MCHR2: variants seen among roughly 807,000 people sequenced by gnomAD.
MCHR2 encodes melanin-concentrating hormone receptor 2.
A neutral mutation model predicts 24.8 loss-of-function variants in MCHR2; 15 were observed. The observed-to-expected ratio is 0.60, with a 90% confidence interval of 0.40 to 0.93. MCHR2 has a LOEUF of 0.93. MCHR2 is among the 40% of genes least tolerant of loss of function. The pLI, the probability that MCHR2 is intolerant of heterozygous loss-of-function variation, is 0.00. For synonymous variants in MCHR2, 151 were observed against 147.6 expected (o/e 1.02, Z -0.17); for missense variants, 386 against 408.7 (o/e 0.94, Z 0.48).
At chr6:99,977,474 C>T (rs1011024395) in intron 1 of MCHR2, among the ~76,000 whole-genome samples, 35 of 152,078 alleles carry the variant, frequency 2.3e-4, no homozygotes, top group East Asian at 5.8e-4. Flanking sequence ...TGATACCATA[C>T]GGAGTAGGGC....
chr6:99,949,394 C>T (rs561101920), intron 2 of MCHR2, among the ~76,000 whole-genome samples: 1 of 152,096 alleles, frequency 6.6e-6, no homozygotes, highest in Non-Finnish European at 1.5e-5. Context: ...CAGATGTGGA[C>T]AAATAAGAAT....
chr6:99,948,038 T>A (rs1774905796), intron 2 of MCHR2, 67 bp from the exon 3 acceptor site: 1 of 1,359,842 alleles, frequency 7.4e-7, no homozygotes, highest in Admixed American at 2.2e-5. Flanking sequence ...ATATGCTACC[T>A]CATACAAATT....
chr6:99,986,794 A>G (rs570208840), intron 1 of MCHR2, among the ~76,000 whole-genome samples: 43 of 151,580 alleles, frequency 2.8e-4, no homozygotes, highest in Non-Finnish European at 5.9e-4. Context: ...CATGTAACAC[A>G]TGGATATATT....
At chr6:99,948,009 T>C (rs201085741) in intron 2 of MCHR2, 38 bp from the exon 3 acceptor site, 32 of 1,564,408 alleles carry the variant, frequency 2.0e-5, no homozygotes, top group Non-Finnish European at 2.8e-5. Flanking sequence ...TGACATTGAA[T>C]GTATACAGAC....
Position 99,918,784 on chromosome 6 carries a change from T to C in MCHR2, c.*2156A>G, listed in dbSNP as rs562816743. ...CGCTATATAAAGGGACAAAAATAAATTTATTAATCACCCTTTTTATTTTCT... is the reference window on the plus strand; with the variant it reads ...CGCTATATAAAGGGACAAAAATAAACTTATTAATCACCCTTTTTATTTTCT... On this transcript the variant is annotated 3_prime_UTR_variant, in exon 6 of 6. Transcript: ENST00000281806. 6.6e-6 allele frequency among the ~76,000 whole-genome samples: 1 copy of C among 152,268 alleles called. No individual in the cohort carries two copies. Among genetic ancestry groups the C allele is most frequent in the African/African-American group, 2.4e-5 (1 of 41,576 alleles).
At chr6:99,956,278 G>C in intron 1 of MCHR2, 104 bp from the exon 2 acceptor site, 3 of 759,092 alleles carry the variant, frequency 4.0e-6, no homozygotes, top group Non-Finnish European at 4.1e-6. Context: ...TTAAAACCAA[G>C]ATTCCATGGA....
rs140220122 is a variant in MCHR2, at chr6:99,929,188, C to T, written c.707+5210G>A. On this transcript the variant is annotated intron_variant, in intron 5 of 5. Coordinates refer to ENST00000281806, the MANE Select transcript of MCHR2 (RefSeq NM_001040179.2). Reference sequence around the variant, plus strand: ...AATCCTGAGTTCTAGTTTGATTGCACTGTGGTCTGAGAGACAGTTTGCTAT... The same window carrying T: ...AATCCTGAGTTCTAGTTTGATTGCATTGTGGTCTGAGAGACAGTTTGCTAT... Among the ~76,000 whole-genome samples, 6 of 152,292 alleles carry T rather than the reference C, an allele frequency of 3.9e-5. No individual in the cohort carries two copies. The East Asian group carries it at 9.7e-4, about 24-fold the overall frequency.
At chr6:99,964,075 T>G (rs969966175) in intron 1 of MCHR2, among the ~76,000 whole-genome samples, 2 of 152,210 alleles carry the variant, frequency 1.3e-5, no homozygotes, top group East Asian at 3.9e-4. Flanking sequence ...AAAAGCACAA[T>G]TGGATACCTT....
In MCHR2 at chr6:99,947,940, TATAGATG is replaced by T. The variant is rs1230018746; in HGVS notation, c.207_213del (p.Asp69GlufsTer13). 6.2e-7 allele frequency: 1 copy of T among 1,613,626 alleles called. No homozygotes were observed. The highest frequency in any genetic ancestry group is 1.3e-5 in the African/African-American group (1 of 75,004). On this transcript the variant is annotated frameshift_variant, in exon 3 of 6. Transcript: ENST00000281806. LOFTEE classifies it high-confidence loss of function. ...AAATCAGCCACAGCCAGGTTGCAGA[TATAGATG>T]TCAGGGACTGTTTTTTTCCTGGATC...
chr6:99,943,304 TTTTA>T (rs1163386067), intron 3 of MCHR2, among the ~76,000 whole-genome samples, 161 bp from the exon 4 acceptor site: 6 of 150,222 alleles, frequency 4.0e-5, no homozygotes, highest in African/African-American at 1.5e-4. Flanking sequence ...ATATTTTAAT[TTTTA>T]TTTATTTTTT....
In MCHR2 at chr6:99,956,026, A is replaced by G. The variant is rs2114541389; in HGVS notation, c.122T>C (p.Ile41Thr). 6.2e-7 allele frequency: 1 copy of G among 1,613,308 alleles called. No homozygotes were observed. Among genetic ancestry groups the G allele is most frequent in the Middle Eastern group, 1.7e-4 (1 of 6,056 alleles). The part of the protein sequence containing the change: ...VVDTVILPSM[I>T]GIICSTGLVG... Reference sequence around the variant, plus strand: ...CAGCCCTGTTGAACAGATAATCCCAATCATGGAAGGGAGGATGACTGTATC... The same window carrying G: ...CAGCCCTGTTGAACAGATAATCCCAGTCATGGAAGGGAGGATGACTGTATC... Residue 41 changes from isoleucine (I) to threonine (T), a missense_variant, in exon 2 of 6, where the codon ATT (isoleucine) becomes ACT (threonine). By Grantham distance (89) the Ile-to-Thr change is moderately conservative. Coordinates refer to ENST00000281806, the MANE Select transcript of MCHR2 (RefSeq NM_001040179.2).
chr6:99,947,657 A>C, intron 3 of MCHR2, 105 bp downstream of exon 3: 1 of 1,077,132 alleles, frequency 9.3e-7, no homozygotes, highest in Middle Eastern at 2.6e-4. Flanking sequence ...AAAGGAAGAA[A>C]ACCTCTGCTG....
At chr6:99,926,520 G>T (rs546174135) in intron 5 of MCHR2, among the ~76,000 whole-genome samples, 10 of 152,000 alleles carry the variant, frequency 6.6e-5, no homozygotes, top group South Asian at 2.1e-4. Context: ...TTTTAATGAT[G>T]GCCATTCTAA....
chr6:99,948,170 G>T (rs1228986916), intron 2 of MCHR2, among the ~76,000 whole-genome samples, 199 bp from the exon 3 acceptor site: 1 of 152,102 alleles, frequency 6.6e-6, no homozygotes, highest in Non-Finnish European at 1.5e-5. Context: ...TACTGTGGTG[G>T]TTTAAAAATA....
At chr6:99,941,586 G>C (rs1384237201) in intron 4 of MCHR2, among the ~76,000 whole-genome samples, 2 of 152,072 alleles carry the variant, frequency 1.3e-5, no homozygotes, top group Non-Finnish European at 2.9e-5. Flanking sequence ...TTCATGAATG[G>C]GAATAGTGTA....
At chr6:99,927,211 C>A (rs1467800689) in intron 5 of MCHR2, among the ~76,000 whole-genome samples, 1 of 152,070 alleles carries the variant, frequency 6.6e-6, no homozygotes, top group South Asian at 2.1e-4. Flanking sequence ...GTTTTGGTAC[C>A]AGTACCATGC....
intron 1 of MCHR2, among the ~76,000 whole-genome samples, chr6:99,977,458 G>T (rs1426172803): frequency 2.6e-5 from 4 of 152,112 alleles, no homozygotes; most frequent in Admixed American, 2.6e-4. Flanking sequence ...CTGTTCACAG[G>T]AGTTTTGATA....
chr6:99,978,924 G>A (rs2114583573), intron 1 of MCHR2, among the ~76,000 whole-genome samples: 1 of 152,242 alleles, frequency 6.6e-6, no homozygotes, highest in South Asian at 2.1e-4. Flanking sequence ...GAAAGAACTG[G>A]GGAAAGGAAA....
chr6:99,993,746 C>T (rs570728687), intron 1 of MCHR2, among the ~76,000 whole-genome samples, 190 bp downstream of exon 1: 128 of 152,238 alleles, frequency 8.4e-4, no homozygotes, highest in African/African-American at 2.9e-3. Context: ...GGTGCCTCCA[C>T]AGAGCCAAAC....
Sources: gnomAD v4.1 joint callset for allele counts (sites outside exome capture counted in the v4.1 genomes callset) on GRCh38, gnomAD v4.1.1 for gene constraint, MANE v1.5 for transcripts, NCBI Gene and HGNC (gene_info 2026-07-23, HGNC 2026-07-21) for gene names.